The following DYNC1I1 variants were observed in gnomAD, a reference collection of about 807,000 sequenced individuals.
DYNC1I1 encodes the protein cytoplasmic dynein 1 intermediate chain 1.
Under a neutral mutation model 86.6 loss-of-function variants are expected in DYNC1I1, and 43 were observed. The ratio of observed to expected loss-of-function variants is 0.50; its 90% confidence interval spans 0.39 to 0.64. DYNC1I1 has a LOEUF of 0.64. Ranked by LOEUF, DYNC1I1 falls within the 30% of genes least tolerant of loss-of-function variation. The pLI is 0.00. For synonymous variants in DYNC1I1, 262 were observed against 283.7 expected (o/e 0.92, Z 0.77); for missense variants, 604 against 788.8 (o/e 0.77, Z 2.81).
At chr7:95,837,377 C>T (rs1438281336) in intron 5 of DYNC1I1, among the ~76,000 whole-genome samples, 2 of 151,938 alleles carry the variant, frequency 1.3e-5, no homozygotes, top group East Asian at 3.9e-4. Flanking sequence ...TCAAAGCTGT[C>T]AGACAGGGAC....
At chr7:96,047,219 T>C (rs1789244106) in intron 14 of DYNC1I1, among the ~76,000 whole-genome samples, 1 of 152,106 alleles carries the variant, frequency 6.6e-6, no homozygotes, top group Non-Finnish European at 1.5e-5. Flanking sequence ...CTCCTAAAGT[T>C]CCCACCTTTT....
intron 5 of DYNC1I1, among the ~76,000 whole-genome samples, chr7:95,856,402 A>G (rs1024369855): frequency 6.6e-6 from 1 of 152,210 alleles, no homozygotes; most frequent in African/African-American, 2.4e-5. Flanking sequence ...TTTCAGAAAT[A>G]TGTCGATGGC....
chr7:96,107,876 T>TG (rs1385103777), intron 16 of DYNC1I1, among the ~76,000 whole-genome samples: 1 of 150,684 alleles, frequency 6.6e-6, no homozygotes, highest in Non-Finnish European at 1.5e-5. Flanking sequence ...CAGGTTTTTT[T>TG]TTTTTTTTTT....
chr7:96,009,545 C>T (rs548902299), intron 10 of DYNC1I1, among the ~76,000 whole-genome samples: 3 of 152,282 alleles, frequency 2.0e-5, no homozygotes, highest in Admixed American at 6.5e-5. Context: ...TATTCTTTGT[C>T]TCAAGGAAGC....
At chr7:96,093,731 A>G (rs1438250955) in intron 16 of DYNC1I1, among the ~76,000 whole-genome samples, 2 of 152,050 alleles carry the variant, frequency 1.3e-5, no homozygotes, top group African/African-American at 4.8e-5. Context: ...CCAGATCCAC[A>G]TTGACTTAGA....
chr7:95,841,099 C>A (rs1789267521), intron 5 of DYNC1I1, among the ~76,000 whole-genome samples: 1 of 152,098 alleles, frequency 6.6e-6, no homozygotes, highest in South Asian at 2.1e-4. Context: ...TCTAGGGGGT[C>A]TAGTAAATGC....
chr7:95,844,515 G>A (rs1238241929), intron 5 of DYNC1I1, among the ~76,000 whole-genome samples: 1 of 152,144 alleles, frequency 6.6e-6, no homozygotes, highest in Non-Finnish European at 1.5e-5. Flanking sequence ...ATGCCACATG[G>A]GAGACAGAGT....
chr7:96,059,122 G>A (rs1242646300), intron 14 of DYNC1I1, among the ~76,000 whole-genome samples: 2 of 152,070 alleles, frequency 1.3e-5, no homozygotes, highest in African/African-American at 4.8e-5. Context: ...GTGTGTTTCT[G>A]TTTAAAGACA....
At chr7:96,004,611 A>C (rs914419075) in intron 10 of DYNC1I1, among the ~76,000 whole-genome samples, 5 of 151,808 alleles carry the variant, frequency 3.3e-5, no homozygotes, top group African/African-American at 1.2e-4. Flanking sequence ...GGAGCAAAAA[A>C]TTGTACCCAA....
At chr7:95,940,195 G>A (rs541204476) in intron 6 of DYNC1I1, among the ~76,000 whole-genome samples, 1 of 152,190 alleles carries the variant, frequency 6.6e-6, no homozygotes, top group African/African-American at 2.4e-5. Flanking sequence ...TTCCCTTTGA[G>A]GGTAACCCGA....
rs757671459 is a variant in DYNC1I1, at chr7:95,810,419, G to A, written c.136G>A (p.Val46Ile). Reference protein sequence around the residue: ...EADMQQKKEPVQDDSDLDRKR... With the variant: ...EADMQQKKEPIQDDSDLDRKR... Reference sequence around the variant, plus strand: ...TGATATGCAGCAGAAGAAAGAACCCGTTCAGGACGACTCTGATCTGGATCG... The same window carrying A: ...TGATATGCAGCAGAAGAAAGAACCCATTCAGGACGACTCTGATCTGGATCG... Residue 46 changes from valine (V) to isoleucine (I), a missense_variant, in exon 3 of 17, where the codon GTT (valine) becomes ATT (isoleucine). Coordinates refer to ENST00000447467, the MANE Select transcript of DYNC1I1 (RefSeq NM_001135556.2). 2.1e-5 allele frequency: 34 copies of A among 1,612,234 alleles called. No homozygotes were observed. Among genetic ancestry groups the A allele is most frequent in the South Asian group, 7.7e-5 (7 of 90,896 alleles).
intron 16 of DYNC1I1, among the ~76,000 whole-genome samples, chr7:96,109,530 A>G (rs765118852): frequency 3.9e-5 from 6 of 151,954 alleles, no homozygotes; most frequent in Non-Finnish European, 8.8e-5. Flanking sequence ...AATGGTATAC[A>G]TTTCTCTCTA....
chr7:96,041,114 G>A (rs1430694830), intron 14 of DYNC1I1, among the ~76,000 whole-genome samples: 2 of 152,140 alleles, frequency 1.3e-5, no homozygotes, highest in Non-Finnish European at 2.9e-5. Context: ...AAAGGGAGAT[G>A]AAAAAGTAAC....
intron 7 of DYNC1I1, 85 bp from the exon 8 acceptor site, chr7:95,984,730 C>G: frequency 1.5e-6 from 2 of 1,360,006 alleles, no homozygotes; most frequent in East Asian, 5.0e-5. Flanking sequence ...CAGTCTCTCT[C>G]AAGAATTGGG....
chr7:96,075,133 A>C, intron 14 of DYNC1I1, among the ~76,000 whole-genome samples: 1 of 152,236 alleles, frequency 6.6e-6, no homozygotes, highest in Admixed American at 6.5e-5. Flanking sequence ...ATGAAGTCCA[A>C]TTACGTTTTA....
intron 10 of DYNC1I1, among the ~76,000 whole-genome samples, chr7:96,006,071 G>T (rs1794134970): frequency 6.6e-6 from 1 of 152,168 alleles, no homozygotes; most frequent in Non-Finnish European, 1.5e-5. Flanking sequence ...AATTTGTGTG[G>T]ATTCATGAGT....
At chr7:95,904,523 A>G (rs895582984) in intron 6 of DYNC1I1, among the ~76,000 whole-genome samples, 1 of 152,190 alleles carries the variant, frequency 6.6e-6, no homozygotes, top group Non-Finnish European at 1.5e-5. Context: ...TGGCAGATGC[A>G]GGACATCACA....
intron 6 of DYNC1I1, among the ~76,000 whole-genome samples, chr7:95,874,693 G>A (rs1360002057): frequency 2.6e-5 from 4 of 152,132 alleles, no homozygotes; most frequent in African/African-American, 7.2e-5. Context: ...TGTGTTCACC[G>A]AGGAAAGGCC....
chr7:96,057,020 T>C (rs1789597244), intron 14 of DYNC1I1, among the ~76,000 whole-genome samples: 1 of 152,222 alleles, frequency 6.6e-6, no homozygotes, highest in Non-Finnish European at 1.5e-5. Context: ...TTCACACTTT[T>C]AGACAGGTGT....
Sources: gnomAD v4.1 joint callset for allele counts (sites outside exome capture counted in the v4.1 genomes callset) on GRCh38, gnomAD v4.1.1 for gene constraint, MANE v1.5 for transcripts, NCBI Gene and HGNC (gene_info 2026-07-23, HGNC 2026-07-21) for gene names.